Variants in ARL15 observed in about 807,000 individuals in gnomAD.
ARL15 encodes the protein ARF like GTPase 15, also known as ADP-ribosylation factor-like protein 15.
A neutral mutation model predicts 25.2 loss-of-function variants in ARL15; 19 were observed. That is an observed-to-expected ratio of 0.75 (90% CI 0.53 to 1.10). The LOEUF is 1.10. Ranked by LOEUF, ARL15 falls within the 50% of genes least tolerant of loss-of-function variation. The pLI is 0.00. For missense variants in ARL15, 220 were observed against 246.0 expected, an observed-to-expected ratio of 0.89 and a Z score of 0.71; for synonymous variants, 94 against 86.8, an observed-to-expected ratio of 1.08 and a Z score of -0.46.
intron 4 of ARL15, among the ~76,000 whole-genome samples, chr5:54,024,119 T>G (rs964104690): frequency 6.6e-6 from 1 of 152,238 alleles, no homozygotes; most frequent in Non-Finnish European, 1.5e-5. Flanking sequence ...ATCTGCCTTT[T>G]GTCAGTTGAT....
At chr5:54,291,268 C>T (rs950254031) in intron 1 of ARL15, among the ~76,000 whole-genome samples, 1 of 152,100 alleles carries the variant, frequency 6.6e-6, no homozygotes, top group Non-Finnish European at 1.5e-5. Flanking sequence ...ACAGATAATC[C>T]TTGGTTTCCA....
intron 1 of ARL15, among the ~76,000 whole-genome samples, chr5:54,229,866 C>G (rs566303662): frequency 6.6e-6 from 1 of 152,154 alleles, no homozygotes; most frequent in African/African-American, 2.4e-5. Context: ...CCCGTTCTCC[C>G]CTTTGAGGCC....
intron 1 of ARL15, among the ~76,000 whole-genome samples, chr5:54,269,114 T>G (rs1579967633): frequency 6.6e-6 from 1 of 152,218 alleles, no homozygotes; most frequent in East Asian, 1.9e-4. Flanking sequence ...GAGATATACC[T>G]AATGCTAAAT....
At chr5:54,091,926 G>T (rs925151902) in intron 4 of ARL15, among the ~76,000 whole-genome samples, 1 of 152,154 alleles carries the variant, frequency 6.6e-6, no homozygotes, top group African/African-American at 2.4e-5. Flanking sequence ...TTCTGGGCTT[G>T]CCAGCCCTTG....
chr5:54,160,753 T>A (rs902681836), intron 2 of ARL15, among the ~76,000 whole-genome samples: 3 of 152,176 alleles, frequency 2.0e-5, no homozygotes, highest in African/African-American at 7.2e-5. Context: ...AATAAACCAA[T>A]AAAGTTTGAA....
intron 4 of ARL15, among the ~76,000 whole-genome samples, chr5:53,894,791 A>G (rs953807002): frequency 1.3e-5 from 2 of 151,816 alleles, no homozygotes; most frequent in Admixed American, 6.6e-5. Flanking sequence ...GCCTATAAAT[A>G]CTCTCTCATC....
intron 1 of ARL15, 92 bp from the exon 2 acceptor site, chr5:54,172,020 G>C (rs568623810): frequency 2.8e-6 from 4 of 1,447,168 alleles, no homozygotes; most frequent in Admixed American, 2.1e-5. Context: ...AGTATTAAGA[G>C]GTAATTGAAT....
rs182650849 is a variant in ARL15, at chr5:53,929,513, T to C, written c.463-42800A>G. Among the ~76,000 whole-genome samples, 84 of 152,350 alleles carry C rather than the reference T, an allele frequency of 5.5e-4. 1 individual carries two copies. In the East Asian group the frequency reaches 0.015, roughly 28 times the overall value. On this transcript the variant is annotated intron_variant, in intron 4 of 4. Coordinates refer to ENST00000504924, the MANE Select transcript of ARL15 (RefSeq NM_019087.3). The stretch of plus-strand genomic sequence containing the variant: ...ATGTATGCTAGCAAATAATTATACA[T>C]ATTTTTACCAATGAACTGAATCAGA...
At chr5:54,087,229 C>T (rs35748083) in intron 4 of ARL15, among the ~76,000 whole-genome samples, 72,213 of 151,688 alleles carry the variant, frequency 0.48, 18,472 homozygotes, top group Admixed American at 0.57. Flanking sequence ...TCGGGAGGCT[C>T]AGGCATGAGA....
At chr5:53,935,732 C>A (rs973254866) in intron 4 of ARL15, among the ~76,000 whole-genome samples, 1 of 152,132 alleles carries the variant, frequency 6.6e-6, no homozygotes, top group African/African-American at 2.4e-5. Context: ...TCCATATAAT[C>A]TCTGAGGTTT....
Position 54,086,187 on chromosome 5 carries a change from T to G in ARL15, c.462+27015A>C, listed in dbSNP as rs142936778. On this transcript the variant is annotated intron_variant, in intron 4 of 4. Coordinates refer to ENST00000504924, the MANE Select transcript of ARL15 (RefSeq NM_019087.3). ...CCTCGGCCTTCCAAAGTGCTGGGAT[T>G]ACAGCCATGAGCCACCGTACTTGGC... Among the ~76,000 whole-genome samples the G allele has an allele frequency of 6.8e-3, 1,035 of 152,310 alleles. 9 individuals are homozygous for G. Among genetic ancestry groups the G allele is most frequent in the African/African-American group, 0.024 (996 of 41,564 alleles).
intron 1 of ARL15, among the ~76,000 whole-genome samples, chr5:54,292,166 T>C (rs1272435914): frequency 1.3e-5 from 2 of 152,166 alleles, no homozygotes; most frequent in Admixed American, 6.5e-5. Context: ...TCCTAAGTCT[T>C]GTAGATTTTC....
intron 1 of ARL15, among the ~76,000 whole-genome samples, chr5:54,194,046 GTGAAC>G (rs1265363563): frequency 1.3e-5 from 2 of 152,114 alleles, no homozygotes; most frequent in Non-Finnish European, 2.9e-5. Context: ...GACTATGGTA[GTGAAC>G]ACTAAAATCC....
At chr5:53,945,401 T>C (rs1381263756) in intron 4 of ARL15, among the ~76,000 whole-genome samples, 1 of 152,228 alleles carries the variant, frequency 6.6e-6, no homozygotes, top group Non-Finnish European at 1.5e-5. Flanking sequence ...GTAGTCTCCA[T>C]AATGTAATCT....
At position 54,171,872 on chromosome 5, in the gene ARL15, C is replaced by G. The variant is rs1420261369; in HGVS notation, c.105G>C (p.Leu35=). Residue 35 remains leucine, a synonymous_variant, in exon 2 of 5, where the codon CTG becomes CTC. Transcript: ENST00000504924. ...CAGAACCTGTGAGGCCTATGCAAAC[C>G]AGGTCATATTCTGGTCGTGCAGGTG... The part of the protein sequence containing the change: ...GPPPARPEYD[L]VCIGLTGSGK... 6.2e-7 allele frequency: 1 copy of G among 1,613,518 alleles called. No individual in the cohort carries two copies. The highest frequency in any genetic ancestry group is 8.5e-7 in the Non-Finnish European group (1 of 1,179,736).
chr5:54,220,392 A>G (rs1736362386), intron 1 of ARL15, among the ~76,000 whole-genome samples: 1 of 152,118 alleles, frequency 6.6e-6, no homozygotes, highest in African/African-American at 2.4e-5. Context: ...ACAGCTTTCC[A>G]GAGTCAATGG....
rs532616830 is a variant in ARL15 at position 53,912,754 on chromosome 5, A to C, written c.463-26041T>G. 7.2e-5 allele frequency among the ~76,000 whole-genome samples: 11 copies of C among 152,310 alleles called. No individual in the cohort carries two copies. The South Asian group carries it at 2.3e-3, about 32-fold the overall frequency. ...TATTGTGGAACCCTCAGTGATCTGA[A>C]TTCAACTTATCCATTCATTCATTCA... On this transcript the variant is annotated intron_variant, in intron 4 of 4. Transcript: ENST00000504924.
At chr5:54,131,437 A>T (rs1436562832) in intron 3 of ARL15, among the ~76,000 whole-genome samples, 1 of 152,164 alleles carries the variant, frequency 6.6e-6, no homozygotes, top group Non-Finnish European at 1.5e-5. Context: ...ATTTTCAAGT[A>T]TAATCGATTC....
At chr5:54,271,368 TG>T (rs1757778720) in intron 1 of ARL15, among the ~76,000 whole-genome samples, 1 of 152,210 alleles carries the variant, frequency 6.6e-6, no homozygotes, top group African/African-American at 2.4e-5. Flanking sequence ...AGATATAAAA[TG>T]GTATCGTATT....
Sources: allele counts gnomAD v4.1 joint callset (sites outside exome capture counted in the v4.1 genomes callset), GRCh38; gene constraint gnomAD v4.1.1; transcripts MANE v1.5; gene names NCBI Gene and HGNC (gene_info 2026-07-23, HGNC 2026-07-21).